Variants in HAUS7 observed in about 807,000 individuals in gnomAD.
HAUS7 encodes the protein HAUS augmin like complex subunit 7.
A neutral mutation model predicts 28.4 loss-of-function variants in HAUS7; 3 were observed. That is an observed-to-expected ratio of 0.11 (90% confidence interval 0.05 to 0.27). The LOEUF is 0.27. Ranked by LOEUF, HAUS7 falls within the 10% of genes least tolerant of loss-of-function variation. The pLI is 1.00. For synonymous variants in HAUS7, 165 were observed against 132.1 expected (o/e 1.25, Z -1.71); for missense variants, 284 against 297.3 (o/e 0.96, Z 0.33).
chrX:153,456,797 C>A, intron 5 of HAUS7, 146 bp from the exon 6 acceptor site: 2 of 487,096 alleles, frequency 4.1e-6, no homozygotes, highest in Admixed American at 4.0e-5. Flanking sequence ...TCCTGCCCCA[C>A]CTGTCTGCCC....
chrX:153,448,233 T>G (rs1486049927), intron 9 of HAUS7, among the ~76,000 whole-genome samples: 5 of 110,510 alleles, frequency 4.5e-5, no homozygotes, highest in Non-Finnish European at 9.4e-5. Context: ...GATGAGTTCA[T>G]GTCCTTTGTA....
At chrX:153,487,006 T>C (rs782458919) in intron 1 of HAUS7, 6 of 286,923 alleles carry the variant, frequency 2.1e-5, no homozygotes, top group Non-Finnish European at 3.1e-5. Context: ...GGCACTGGTT[T>C]GTACTTGAAC....
chrX:153,459,211 G>C (rs782192226), intron 4 of HAUS7, among the ~76,000 whole-genome samples: 10 of 111,666 alleles, frequency 9.0e-5, no homozygotes, highest in Non-Finnish European at 1.9e-4. Context: ...ACGTCTATTC[G>C]GACACTTTGT....
chrX:153,486,608 C>G (rs1556988598), intron 1 of HAUS7: 7 of 981,507 alleles, frequency 7.1e-6, no homozygotes, highest in Non-Finnish European at 9.3e-6. Context: ...CTCCCCTGCT[C>G]TGCCCCACCC....
At chrX:153,471,950 GT>G (rs1411684086), upstream of HAUS7, among the ~76,000 whole-genome samples, 23 of 112,084 alleles carry the variant, frequency 2.1e-4, no homozygotes, top group Non-Finnish European at 3.8e-4. Context: ...TTTTTTAAGC[GT>G]TTTTTTCCCT....
chrX:153,481,840 C>T (rs1485694542), intron 1 of HAUS7: 2 of 753,828 alleles, frequency 2.7e-6, no homozygotes, highest in African/African-American at 4.6e-5. Flanking sequence ...CCAGCCCACA[C>T]GTTCCTGGGG....
intron 1 of HAUS7, chrX:153,481,667 C>G: frequency 1.3e-6 from 1 of 754,641 alleles, no homozygotes; most frequent in East Asian, 1.5e-4. Flanking sequence ...CCTCCTCGCC[C>G]CACACCCACC....
upstream of HAUS7, among the ~76,000 whole-genome samples, chrX:153,475,124 G>A (rs1212017046): frequency 1.8e-5 from 2 of 112,866 alleles, no homozygotes; most frequent in East Asian, 5.6e-4. Context: ...CCACCGGAGG[G>A]GATGGGGCGG....
intron 1 of HAUS7, chrX:153,481,145 G>A: frequency 2.0e-6 from 1 of 511,036 alleles, no homozygotes; most frequent in African/African-American, 2.5e-5. Context: ...GTGTGGGGTG[G>A]GAGGGAAGCC....
intron 8 of HAUS7, chrX:153,454,997 C>G: frequency 9.8e-7 from 1 of 1,022,171 alleles, no homozygotes; most frequent in Non-Finnish European, 1.3e-6. Flanking sequence ...GAGTTGCGCA[C>G]GTGGGAACTG....
chrX:153,481,168 G>A (rs781923836), intron 1 of HAUS7, among the ~76,000 whole-genome samples: 2 of 112,687 alleles, frequency 1.8e-5, no homozygotes, highest in East Asian at 5.7e-4. Flanking sequence ...CCAAAGTCAC[G>A]TCCCCTCCCC....
intron 1 of HAUS7, chrX:153,479,370 A>G: frequency 1.3e-6 from 1 of 754,391 alleles, no homozygotes; most frequent in South Asian, 6.7e-5. Context: ...TGCCCAGCCC[A>G]CCAGGGGCCC....
At chrX:153,481,486 G>C (rs1243541114) in intron 1 of HAUS7, 1 of 754,994 alleles carries the variant, frequency 1.3e-6, no homozygotes, top group East Asian at 1.5e-4. Flanking sequence ...AAGCACACAT[G>C]GGCACAGGCA....
intron 2 of HAUS7, among the ~76,000 whole-genome samples, chrX:153,467,948 G>A (rs1299792829): frequency 8.9e-6 from 1 of 112,261 alleles, no homozygotes; most frequent in Non-Finnish European, 1.9e-5. Flanking sequence ...GGGTCTTTGC[G>A]GGCTGTACAG....
At chrX:153,493,490 A>G (rs1406623193) in intron 1 of HAUS7, among the ~76,000 whole-genome samples, 24 of 112,054 alleles carry the variant, frequency 2.1e-4, no homozygotes, top group Non-Finnish European at 3.8e-5. Flanking sequence ...TAAAACACAC[A>G]AACCTGCCGA....
intron 1 of HAUS7, among the ~76,000 whole-genome samples, chrX:153,478,110 C>T (rs1031371981): frequency 2.0e-4 from 23 of 112,827 alleles, no homozygotes; most frequent in African/African-American, 7.4e-4. Context: ...CCTAAGTCAA[C>T]GCTGGACAGG....
chrX:153,478,257 G>A (rs6643834), intron 1 of HAUS7, among the ~76,000 whole-genome samples: 2,676 of 112,163 alleles, frequency 0.024, 61 homozygotes, highest in African/African-American at 0.063. Context: ...GGGCTGCAGG[G>A]ACACCCCAGT....
In HAUS7 at chrX:153,454,406, C is replaced by T. The variant is rs782221784; in HGVS notation, c.1033G>A (p.Val345Ile). 15 of 1,176,297 alleles carry T rather than the reference C, an allele frequency of 1.3e-5. No homozygotes were observed. In the East Asian group the frequency reaches 2.1e-4, roughly 16 times the overall value. Residue 345 changes from valine to isoleucine, a missense_variant, in exon 9 of 10, where the codon GTC (valine) becomes ATC (isoleucine). Transcript: ENST00000370211. ...EQICWGGSSS[V>I]MSLATKMNEL... ...GGCAGCCACGTACCTAGACTCATGA[C>T]GGAGCTGCTGCCACCCCAGCAGATC...
chrX:153,481,961 G>A (rs918610350), intron 1 of HAUS7: 86 of 647,542 alleles, frequency 1.3e-4, no homozygotes, highest in Non-Finnish European at 1.5e-4. Context: ...CTCGGGGGCC[G>A]GGGCTGGGGC....
Sources: allele counts gnomAD v4.1 joint callset (sites outside exome capture counted in the v4.1 genomes callset), GRCh38; gene constraint gnomAD v4.1.1; transcripts MANE v1.5; gene names NCBI Gene and HGNC (gene_info 2026-07-23, HGNC 2026-07-21).